The following MACROD2 variants were observed in gnomAD, a reference collection of about 807,000 sequenced individuals.
MACROD2 encodes ADP-ribose glycohydrolase MACROD2.
A neutral mutation model predicts 70.4 loss-of-function variants in MACROD2; 36 were observed. That is an observed-to-expected ratio of 0.51 (90% CI 0.39 to 0.68). The LOEUF is 0.68. MACROD2 is among the 30% of genes least tolerant of loss of function. The probability of loss-of-function intolerance (pLI) is 0.00; values close to 1 mark genes in which losing one functional copy is unlikely to be tolerated. For synonymous variants in MACROD2, 172 were observed against 178.8 expected (o/e 0.96, Z 0.30); for missense variants, 496 against 538.4 (o/e 0.92, Z 0.78).
chr20:15,248,342 A>G (rs139509223), intron 6 of MACROD2, among the ~76,000 whole-genome samples: 1 of 152,180 alleles, frequency 6.6e-6, no homozygotes, highest in Non-Finnish European at 1.5e-5. Context: ...TTCCTTTAGG[A>G]TGCTTGCCTC....
intron 5 of MACROD2, among the ~76,000 whole-genome samples, chr20:14,975,064 T>C (rs1457384038): frequency 6.6e-6 from 1 of 152,080 alleles, no homozygotes; most frequent in Non-Finnish European, 1.5e-5. Flanking sequence ...TTTAGGGGCA[T>C]CCTTGGCCTC....
chr20:14,796,165 G>T lies in MACROD2; in HGVS notation c.418+111206G>T, dbSNP rs369111206. Among the ~76,000 whole-genome samples the T allele has an allele frequency of 5.3e-5, 8 of 152,042 alleles. No individual in the cohort carries two copies. In the South Asian group the frequency reaches 1.0e-3, roughly 20 times the overall value. Reference sequence around the variant, plus strand: ...GCTGACTTATCACATTTTCAATTAGGGGATAATATTTGATGTAAGTGGCTC... The same window carrying T: ...GCTGACTTATCACATTTTCAATTAGTGGATAATATTTGATGTAAGTGGCTC... On this transcript the variant is annotated intron_variant, in intron 5 of 17. Transcript: ENST00000684519.
intron 3 of MACROD2, among the ~76,000 whole-genome samples, chr20:14,261,229 A>G (rs1170918999): frequency 6.6e-6 from 1 of 151,664 alleles, no homozygotes; most frequent in African/African-American, 2.4e-5. Flanking sequence ...CAAGTAAAAT[A>G]GAGACAGTCA....
chr20:14,325,946 G>A (rs1568557441), intron 3 of MACROD2: 2 of 1,613,922 alleles, frequency 1.2e-6, no homozygotes, highest in East Asian at 2.2e-5. Context: ...TTTTTGTAAG[G>A]TTCTTTCTCT....
intron 5 of MACROD2, among the ~76,000 whole-genome samples, chr20:15,193,181 C>T (rs2076583110): frequency 6.6e-6 from 1 of 152,038 alleles, no homozygotes; most frequent in Non-Finnish European, 1.5e-5. Context: ...CTTTCTTTAT[C>T]TTGTTTTCTT....
Position 15,151,581 on chromosome 20 carries a change from C to T in MACROD2, c.419-78359C>T, listed in dbSNP as rs994530071. ...AATAAAATGTATATTAAGAATAAGA[C>T]GGCCTTTTCACCTTTTAGGGTCTAG... is the stretch of plus-strand genomic sequence containing the variant. On this transcript the variant is annotated intron_variant, in intron 5 of 17. Coordinates refer to ENST00000684519, the MANE Select transcript of MACROD2 (RefSeq NM_001351661.2). Among the ~76,000 whole-genome samples the T allele has an allele frequency of 6.6e-5, 10 of 152,048 alleles. No homozygotes were observed. The East Asian group carries it at 7.7e-4, about 12-fold the overall frequency.
chr20:15,234,070 G>T (rs1272899741), intron 6 of MACROD2, among the ~76,000 whole-genome samples: 2 of 95,546 alleles, frequency 2.1e-5, no homozygotes, highest in African/African-American at 7.5e-5. Context: ...CTCGCTCTGT[G>T]GCCCAGGTGG....
chr20:14,573,006 T>C (rs1408476124), intron 4 of MACROD2, among the ~76,000 whole-genome samples: 1 of 151,880 alleles, frequency 6.6e-6, no homozygotes, highest in Admixed American at 6.6e-5. Context: ...CAGAGAAAAG[T>C]AGAGAATAGT....
chr20:15,601,635 A>C (rs1231576933), intron 8 of MACROD2, among the ~76,000 whole-genome samples: 1 of 152,208 alleles, frequency 6.6e-6, no homozygotes, highest in African/African-American at 2.4e-5. Context: ...CTGACTCGCC[A>C]GGTATCAATA....
chr20:15,220,015 G>A lies in MACROD2; in HGVS notation c.419-9925G>A, dbSNP rs2076845151. 3.6e-5 allele frequency among the ~76,000 whole-genome samples: 5 copies of A among 139,590 alleles called. No homozygotes were observed. In the Admixed American group the frequency reaches 3.6e-4, roughly 10 times the overall value. 91.6% of individuals were successfully genotyped at this position (139,590 alleles called of 152,430 possible). ...ACATTTTTTTTTTTTTTCTGTTTGA[G>A]TCTTTGGATAGAATCTCATAGCTTT... On this transcript the variant is annotated intron_variant, in intron 5 of 17. Transcript: ENST00000684519.
At chr20:14,341,106 C>G (rs766517805) in intron 3 of MACROD2, among the ~76,000 whole-genome samples, 1 of 152,186 alleles carries the variant, frequency 6.6e-6, no homozygotes, top group Non-Finnish European at 1.5e-5. Flanking sequence ...CTACCTCATT[C>G]ACACATTCAT....
chr20:14,028,363 G>A (rs935672670), intron 2 of MACROD2, among the ~76,000 whole-genome samples: 5 of 152,138 alleles, frequency 3.3e-5, no homozygotes, highest in African/African-American at 1.2e-4. Flanking sequence ...TGGACCCCGT[G>A]GGGGTGGGAT....
At chr20:14,809,214 C>G (rs138288961) in intron 5 of MACROD2, among the ~76,000 whole-genome samples, 24 of 152,122 alleles carry the variant, frequency 1.6e-4, no homozygotes, top group African/African-American at 5.3e-4. Context: ...GGCAAAAGAA[C>G]AGAAATTATA....
intron 3 of MACROD2, among the ~76,000 whole-genome samples, chr20:14,193,841 A>G (rs1196299758): frequency 6.6e-6 from 1 of 152,236 alleles, no homozygotes; most frequent in Non-Finnish European, 1.5e-5. Context: ...AGTGGAGCAG[A>G]ATATGGATCT....
chr20:14,973,192 G>C (rs182926955), intron 5 of MACROD2, among the ~76,000 whole-genome samples: 1 of 149,366 alleles, frequency 6.7e-6, no homozygotes, highest in African/African-American at 2.5e-5. Flanking sequence ...ATATTCTTAG[G>C]ATTAGCTAGA....
intron 8 of MACROD2, among the ~76,000 whole-genome samples, chr20:15,570,737 G>A (rs1345096428): frequency 2.0e-5 from 3 of 152,154 alleles, no homozygotes; most frequent in Non-Finnish European, 2.9e-5. Context: ...ATCCTTTCTT[G>A]CATCCTCAAA....
intron 4 of MACROD2, among the ~76,000 whole-genome samples, chr20:14,507,514 A>G (rs1037349433): frequency 2.0e-5 from 3 of 152,178 alleles, no homozygotes; most frequent in African/African-American, 7.2e-5. Flanking sequence ...AAATGGCCCA[A>G]ATGGCCAAGT....
At chr20:15,725,946 C>T (rs1279871594) in intron 8 of MACROD2, among the ~76,000 whole-genome samples, 1 of 151,612 alleles carries the variant, frequency 6.6e-6, no homozygotes, top group African/African-American at 2.4e-5. Flanking sequence ...ATAGGTAAAC[C>T]TTTATATAGG....
intron 5 of MACROD2, among the ~76,000 whole-genome samples, chr20:15,061,607 G>A (rs544175193): frequency 6.6e-6 from 1 of 152,172 alleles, no homozygotes; most frequent in Non-Finnish European, 1.5e-5. Flanking sequence ...GCTTCTGAGG[G>A]ATTAAAACTA....
Sources: allele counts gnomAD v4.1 joint callset (sites outside exome capture counted in the v4.1 genomes callset), GRCh38; gene constraint gnomAD v4.1.1; transcripts MANE v1.5; gene names NCBI Gene and HGNC (gene_info 2026-07-23, HGNC 2026-07-21).